TRPC4: variants seen among roughly 807,000 people sequenced by gnomAD.
TRPC4 encodes short transient receptor potential channel 4.
Under a neutral mutation model 99.4 loss-of-function variants are expected in TRPC4, and 49 were observed. That is an observed-to-expected ratio of 0.49 (90% CI 0.39 to 0.63). TRPC4 has a LOEUF of 0.63. TRPC4 is among the 20% of genes least tolerant of loss of function. The pLI, the probability that TRPC4 is intolerant of heterozygous loss-of-function variation, is 0.00. For synonymous variants in TRPC4, 454 were observed against 425.9 expected (o/e 1.07, Z -0.81); for missense variants, 898 against 1,152.9 (o/e 0.78, Z 3.20).
chr13:37,704,180 C>T (rs927709728), intron 3 of TRPC4, among the ~76,000 whole-genome samples: 2 of 152,218 alleles, frequency 1.3e-5, no homozygotes, highest in South Asian at 4.1e-4. Flanking sequence ...TAGTGACAGG[C>T]AGCAGATCAA....
At chr13:37,769,962 C>A (rs1956501743) in intron 2 of TRPC4, among the ~76,000 whole-genome samples, 1 of 151,410 alleles carries the variant, frequency 6.6e-6, no homozygotes, top group South Asian at 2.1e-4. Context: ...TAGCCATTTT[C>A]TGTTTCAGGT....
intron 1 of TRPC4, among the ~76,000 whole-genome samples, chr13:37,784,605 A>G (rs78614225): frequency 0.011 from 1,720 of 152,178 alleles, 26 homozygotes; most frequent in South Asian, 0.08. Context: ...ATTAAAATGA[A>G]TAGGGTGTTC....
chr13:37,807,210 A>G (rs1957549375), intron 1 of TRPC4, among the ~76,000 whole-genome samples: 1 of 151,944 alleles, frequency 6.6e-6, no homozygotes, highest in African/African-American at 2.4e-5. Flanking sequence ...ATATGATATA[A>G]TAGTTCTTAC....
At position 37,692,089 on chromosome 13, in the gene TRPC4, G is replaced by A. The variant is rs1566100419; in HGVS notation, c.1144C>T (p.Leu382Phe). Residue 382 changes from leucine to phenylalanine, a missense_variant, in exon 4 of 11, where the codon CTT becomes TTT. Physicochemically the swap from Leu to Phe is conservative, Grantham distance 22 (BLOSUM62 0). This residue lies in a region of TRPC4 where 274 missense variants were observed against 454.9 expected (regional missense o/e 0.60). Transcript: ENST00000379705. Reference sequence around the variant, plus strand: ...GACCTGTCGATGTGCTGAGAGGCAAGCAGCAGCAGGAACAAAAAAGTCAAA... The same window carrying A: ...GACCTGTCGATGTGCTGAGAGGCAAACAGCAGCAGGAACAAAAAAGTCAAA... ...SYLTFLFLLL[L>F]ASQHIDRSDL... The A allele has an allele frequency of 6.2e-7, 1 of 1,614,088 alleles. No individual in the cohort carries two copies. Among genetic ancestry groups the A allele is most frequent in the Non-Finnish European group, 8.5e-7 (1 of 1,179,960 alleles).
chr13:37,840,572 C>T (rs1958704134), intron 1 of TRPC4, among the ~76,000 whole-genome samples: 1 of 151,798 alleles, frequency 6.6e-6, no homozygotes, highest in South Asian at 2.1e-4. Context: ...ATGAAGTCAA[C>T]ATTTTTATAG....
intron 3 of TRPC4, among the ~76,000 whole-genome samples, chr13:37,697,233 C>T (rs1953934119): frequency 6.6e-6 from 1 of 152,072 alleles, no homozygotes; most frequent in Non-Finnish European, 1.5e-5. Flanking sequence ...TCTGTAAGAA[C>T]CACATAAATC....
At chr13:37,794,046 T>C (rs1052131420) in intron 1 of TRPC4, among the ~76,000 whole-genome samples, 11 of 152,256 alleles carry the variant, frequency 7.2e-5, no homozygotes, top group African/African-American at 1.4e-4. Context: ...ATAATGCATA[T>C]TGCATTTTAC....
rs751551802 is a variant in TRPC4 at position 37,637,059 on chromosome 13, T to C, written c.2778A>G (p.Arg926=). 5 of 1,613,738 alleles carry C rather than the reference T, an allele frequency of 3.1e-6. No homozygotes were observed. The Admixed American group carries it at 6.7e-5, about 22-fold the overall frequency. The change falls in exon 11 of 11, where the codon AGA becomes AGG. Residue 926 remains arginine, a synonymous_variant. Transcript: ENST00000379705. ...CCTTCTCTGACTTGAATGGACACAC[T>C]CTCTTTCCTACCTGTAACCCCAGTG... ...TDTLGLQVGK[R]VCPFKSEKVV...
At chr13:37,749,269 T>G (rs1414580484) in intron 2 of TRPC4, among the ~76,000 whole-genome samples, 4 of 152,160 alleles carry the variant, frequency 2.6e-5, no homozygotes. Flanking sequence ...TCTCAGGTAG[T>G]GTCTTTATAG....
At chr13:37,666,383 A>G (rs1220368452) in intron 5 of TRPC4, among the ~76,000 whole-genome samples, 2 of 152,204 alleles carry the variant, frequency 1.3e-5, no homozygotes, top group African/African-American at 2.4e-5. Flanking sequence ...TTGCTATGTA[A>G]GTAAATAATT....
chr13:37,663,412 T>C lies in TRPC4; in HGVS notation c.1688+4A>G, dbSNP rs1593461065. 1 of 1,608,758 alleles carries C rather than the reference T, an allele frequency of 6.2e-7. No homozygotes were observed. The highest frequency in any genetic ancestry group is 2.2e-5 in the East Asian group (1 of 44,840). ...TTACCAGTAGAAATGTCTATTAGAC[T>C]TACGTTGAAAATGCATTATTCTGCT... On this transcript the variant is annotated splice_donor_region_variant and intron_variant, in intron 6 of 10. Coordinates refer to ENST00000379705, the MANE Select transcript of TRPC4 (RefSeq NM_016179.4).
At chr13:37,868,221 T>C (rs1393949164) in intron 1 of TRPC4, among the ~76,000 whole-genome samples, 2 of 152,140 alleles carry the variant, frequency 1.3e-5, no homozygotes, top group South Asian at 2.1e-4. Flanking sequence ...TTATAAGTAA[T>C]GAAAATCTAT....
intron 3 of TRPC4, among the ~76,000 whole-genome samples, chr13:37,710,090 A>T (rs992174356): frequency 3.9e-5 from 6 of 152,120 alleles, no homozygotes; most frequent in East Asian, 1.9e-4. Context: ...TAAATAGTCT[A>T]TCTGAAGCAT....
At chr13:37,788,942 A>G (rs1743701115) in intron 1 of TRPC4, among the ~76,000 whole-genome samples, 1 of 152,108 alleles carries the variant, frequency 6.6e-6, no homozygotes, top group South Asian at 2.1e-4. Flanking sequence ...ACGGCTCAGT[A>G]GCATTCCCTC....
At chr13:37,664,509 G>A (rs960396966) in intron 5 of TRPC4, among the ~76,000 whole-genome samples, 8 of 152,090 alleles carry the variant, frequency 5.3e-5, no homozygotes, top group African/African-American at 1.9e-4. Flanking sequence ...GGGAGACTGA[G>A]GTTGTGGTGA....
chr13:37,828,113 G>T (rs1231362947), intron 1 of TRPC4, among the ~76,000 whole-genome samples: 3 of 152,194 alleles, frequency 2.0e-5, no homozygotes, highest in African/African-American at 7.2e-5. Flanking sequence ...GTGAGGCAAT[G>T]CCTCGCCCTG....
In TRPC4 at chr13:37,746,437, C is replaced by T. The variant is rs867494377; in HGVS notation, c.397G>A (p.Asp133Asn). ...GGAGTGAATTCAGAGAACTGCTTAT[C>T]AAGGAGTATAGGAGGCACCTAAAAA... Reference protein sequence around the residue: ...GEKQVPPILLDKQFSEFTPDI... With the variant: ...GEKQVPPILLNKQFSEFTPDI... The change falls in exon 3 of 11, where the codon GAT (aspartate) becomes AAT (asparagine). Residue 133 changes from aspartate to asparagine, a missense_variant. Asp to Asn is a conservative substitution (Grantham distance 23, BLOSUM62 1). Coordinates refer to ENST00000379705, the MANE Select transcript of TRPC4 (RefSeq NM_016179.4). 1 of 1,588,682 alleles carries T rather than the reference C, an allele frequency of 6.3e-7. No individual in the cohort carries two copies. The highest frequency in any genetic ancestry group is 8.5e-7 in the Non-Finnish European group (1 of 1,172,962).
intron 4 of TRPC4, among the ~76,000 whole-genome samples, chr13:37,680,455 A>G (rs980817002): frequency 6.6e-6 from 1 of 152,192 alleles, no homozygotes; most frequent in Non-Finnish European, 1.5e-5. Flanking sequence ...TTTGGATTAC[A>G]TGGCTTTTAC....
At chr13:37,847,902 G>T (rs1176934687) in intron 1 of TRPC4, among the ~76,000 whole-genome samples, 3 of 152,058 alleles carry the variant, frequency 2.0e-5, no homozygotes, top group Non-Finnish European at 2.9e-5. Flanking sequence ...AAATGGGGAG[G>T]TGGTGACCAA....
Sources: allele counts gnomAD v4.1 joint callset (sites outside exome capture counted in the v4.1 genomes callset), GRCh38; gene constraint gnomAD v4.1.1; regional missense constraint gnomAD v4.1.1; transcripts MANE v1.5; gene names NCBI Gene and HGNC (gene_info 2026-07-23, HGNC 2026-07-21).